Variants in ANKRD17 observed in about 807,000 individuals in gnomAD.
The protein encoded by ANKRD17 is ankyrin repeat domain 17.
In ANKRD17, 19 loss-of-function variants were observed where a neutral mutation model predicts 229.7. The ratio of observed to expected loss-of-function variants is 0.08; its 90% confidence interval spans 0.06 to 0.12. The LOEUF (loss-of-function observed/expected upper bound fraction) is 0.12, where lower values mean the gene tolerates loss of function less well. Among genes scored for constraint, ANKRD17 ranks in the 10% least tolerant of loss-of-function variants. The pLI is 1.00. For missense variants in ANKRD17, 2,176 were observed against 3,176.8 expected, an observed-to-expected ratio of 0.68 and a Z score of 7.57; for synonymous variants, 1,112 against 1,146.1, an observed-to-expected ratio of 0.97 and a Z score of 0.60.
intron 1 of ANKRD17, among the ~76,000 whole-genome samples, chr4:73,209,019 A>G (rs1214764712): frequency 1.3e-5 from 2 of 152,190 alleles, no homozygotes; most frequent in East Asian, 1.9e-4. Flanking sequence ...CAGCATGGTC[A>G]ACATGGCGAA....
At chr4:73,089,114 T>C (rs570871361) in intron 29 of ANKRD17, among the ~76,000 whole-genome samples, 2 of 151,768 alleles carry the variant, frequency 1.3e-5, no homozygotes, top group South Asian at 4.2e-4. Flanking sequence ...CTCAGCTCAC[T>C]GTAACATCTG....
At chr4:73,175,931 C>G (rs1041081628) in intron 2 of ANKRD17, among the ~76,000 whole-genome samples, 5 of 151,606 alleles carry the variant, frequency 3.3e-5, no homozygotes, top group Non-Finnish European at 7.4e-5. Context: ...AAAGCATGGG[C>G]TCCTAAAGCA....
intron 25 of ANKRD17, chr4:73,100,976 C>CA: frequency 7.1e-6 from 7 of 984,222 alleles, no homozygotes; most frequent in Non-Finnish European, 8.4e-6. Flanking sequence ...AAAAACAAAA[C>CA]AAAAAACAAA....
chr4:73,187,302 C>T (rs987513058), intron 1 of ANKRD17, among the ~76,000 whole-genome samples: 3 of 152,148 alleles, frequency 2.0e-5, no homozygotes, highest in African/African-American at 4.8e-5. Context: ...AAGAAAGGGG[C>T]AGCCTTGGAA....
intron 24 of ANKRD17, among the ~76,000 whole-genome samples, chr4:73,106,085 G>T (rs748086931): frequency 2.0e-5 from 3 of 152,074 alleles, no homozygotes; most frequent in Non-Finnish European, 4.4e-5. Flanking sequence ...TTGGAGAACT[G>T]CTGTCATGTT....
chr4:73,216,184 A>G lies in ANKRD17; in HGVS notation c.394-38651T>C, dbSNP rs941751042. On this transcript the variant is annotated intron_variant, in intron 1 of 33. Transcript: ENST00000358602. ...AAAAATGTAAAACAATGCCACTCTC[A>G]CAAATTTTTTCTTTTGGAAAATAAT... Among the ~76,000 whole-genome samples, 43 of 152,234 alleles carry G rather than the reference A, an allele frequency of 2.8e-4. 1 individual carries two copies. Among genetic ancestry groups the G allele is most frequent in the Non-Finnish European group, 4.4e-5 (3 of 68,028 alleles).
At chr4:73,097,854 C>CA (rs11390517) in intron 26 of ANKRD17, among the ~76,000 whole-genome samples, 33,289 of 145,490 alleles carry the variant, frequency 0.23, 4,889 homozygotes, top group African/African-American at 0.43. Context: ...GTTTAACAAC[C>CA]AAAAAAAAAA....
chr4:73,129,113 A>G (rs1727845780), intron 16 of ANKRD17, among the ~76,000 whole-genome samples: 1 of 152,212 alleles, frequency 6.6e-6, no homozygotes, highest in Non-Finnish European at 1.5e-5. Context: ...AAAAGGAGAT[A>G]GATGTCCAGA....
intron 24 of ANKRD17, chr4:73,104,077 A>T (rs933056756): frequency 2.0e-5 from 3 of 152,230 alleles, no homozygotes; most frequent in Non-Finnish European, 4.4e-5. Flanking sequence ...TAGAATACCC[A>T]TACTTTCTCC....
chr4:73,186,639 T>C (rs1156964772), intron 1 of ANKRD17, among the ~76,000 whole-genome samples: 1 of 152,192 alleles, frequency 6.6e-6, no homozygotes, highest in Non-Finnish European at 1.5e-5. Context: ...TTCAAACTGC[T>C]ATTTGCCTGC....
chr4:73,189,210 T>TAAC lies in ANKRD17; in HGVS notation c.394-11680_394-11678dup, dbSNP rs201338588. Among the ~76,000 whole-genome samples the TAAC allele has an allele frequency of 1.2e-3, 186 of 151,982 alleles. 4 individuals carry two copies. The East Asian group carries it at 0.026, about 21-fold the overall frequency. On this transcript the variant is annotated intron_variant, in intron 1 of 33. Coordinates refer to ENST00000358602, the MANE Select transcript of ANKRD17 (RefSeq NM_032217.5). ...AGCCAATTAACAAACCTAAACGAGA[T>TAAC]AACAACAACAACAACAAAAACCCAA... is the stretch of plus-strand genomic sequence containing the variant.
intron 1 of ANKRD17, among the ~76,000 whole-genome samples, chr4:73,182,408 T>C (rs934988197): frequency 1.3e-5 from 2 of 152,182 alleles, no homozygotes; most frequent in Middle Eastern, 3.2e-3. Context: ...TTTATTTAAA[T>C]AGGAGATTTC....
intron 18 of ANKRD17, among the ~76,000 whole-genome samples, chr4:73,122,423 G>A (rs557926061): frequency 1.2e-4 from 18 of 152,178 alleles, no homozygotes; most frequent in African/African-American, 4.1e-4. Context: ...CATTCTAGTG[G>A]ATGTGTAGTT....
rs1430093103 is a variant in ANKRD17, at chr4:73,091,359, G to A, written c.6269C>T (p.Thr2090Ile). 1.9e-6 allele frequency: 3 copies of A among 1,613,982 alleles called. No individual in the cohort carries two copies. The East Asian group carries it at 6.7e-5, about 36-fold the overall frequency. The change falls in exon 29 of 34, where the codon ACT becomes ATT. Residue 2090 changes from threonine (T) to isoleucine (I), a missense_variant. This residue lies in a region of ANKRD17 where 424 missense variants were observed against 454.0 expected (regional missense o/e 0.93). Transcript: ENST00000358602. ...AGAACTGCTGCTGTTTGGAGGTCTAGTGTTTGTTGTTTCTACTACTGGTGG... is the reference window on the plus strand; with the variant it reads ...AGAACTGCTGCTGTTTGGAGGTCTAATGTTTGTTGTTTCTACTACTGGTGG... ...GSPPVVETTN[T>I]RPPNSSSSSG...
At chr4:73,126,980 A>C (rs1050651827) in intron 16 of ANKRD17, among the ~76,000 whole-genome samples, 3 of 151,686 alleles carry the variant, frequency 2.0e-5, no homozygotes, top group African/African-American at 4.8e-5. Context: ...CTGAATTTTA[A>C]ATTGTATTTA....
chr4:73,217,111 T>C (rs1365455102), intron 1 of ANKRD17, among the ~76,000 whole-genome samples: 4 of 152,226 alleles, frequency 2.6e-5, no homozygotes. Context: ...ATATATGATG[T>C]AGACCTTTTC....
In ANKRD17 at chr4:73,155,652, C is replaced by T. The variant is rs1560611711; in HGVS notation, c.979G>A (p.Val327Ile). ...TGACCTGTTGAAGACTGTGCATTAA[C>T]ATCTGCTTTATGAGCTAGCAGCAAC... The part of the protein sequence containing the change: ...VKLLLAHKAD[V>I]NAQSSTGNTA... Residue 327 changes from valine (V) to isoleucine (I), a missense_variant, in exon 5 of 34, where the codon GTT (valine) becomes ATT (isoleucine). Transcript: ENST00000358602. The T allele has an allele frequency of 6.2e-7, 1 of 1,614,090 alleles. No individual in the cohort carries two copies. Among genetic ancestry groups the T allele is most frequent in the East Asian group, 2.2e-5 (1 of 44,842 alleles).
intron 2 of ANKRD17, among the ~76,000 whole-genome samples, chr4:73,166,305 G>A (rs898091724): frequency 3.9e-5 from 6 of 152,152 alleles, no homozygotes; most frequent in Admixed American, 3.9e-4. Flanking sequence ...AAATTATAAA[G>A]CTTTGGGGAA....
intron 1 of ANKRD17, among the ~76,000 whole-genome samples, chr4:73,194,967 T>C (rs1737647803): frequency 6.6e-6 from 1 of 152,162 alleles, no homozygotes; most frequent in African/African-American, 2.4e-5. Flanking sequence ...AAAATTTCAT[T>C]TTCCAAATGT....
Sources: gnomAD v4.1 joint callset for allele counts (sites outside exome capture counted in the v4.1 genomes callset) on GRCh38, gnomAD v4.1.1 for gene constraint, gnomAD v4.1.1 regional missense constraint, MANE v1.5 for transcripts, NCBI Gene and HGNC (gene_info 2026-07-23, HGNC 2026-07-21) for gene names.